The following UBTD2 variants were observed in gnomAD, a reference collection of about 807,000 sequenced individuals.
UBTD2 encodes the protein ubiquitin domain containing 2.
A neutral mutation model predicts 19.8 loss-of-function variants in UBTD2; 9 were observed. That is an observed-to-expected ratio of 0.46 (90% confidence interval 0.27 to 0.79). The LOEUF (loss-of-function observed/expected upper bound fraction) is 0.79. UBTD2 is among the 30% of genes least tolerant of loss of function. The pLI, the probability that UBTD2 is intolerant of heterozygous loss-of-function variation, is 0.14. For synonymous variants in UBTD2, 98 were observed against 103.9 expected, an observed-to-expected ratio of 0.94 and a Z score of 0.35; for missense variants, 250 against 300.4, an observed-to-expected ratio of 0.83 and a Z score of 1.24.
At chr5:172,226,461 A>T (rs1196501899) in intron 2 of UBTD2, among the ~76,000 whole-genome samples, 1 of 152,164 alleles carries the variant, frequency 6.6e-6, no homozygotes, top group Non-Finnish European at 1.5e-5. Flanking sequence ...CACGTGAAAA[A>T]TTGCCTAGTA....
At chr5:172,272,257 C>T (rs1054134179) in intron 1 of UBTD2, among the ~76,000 whole-genome samples, 2 of 152,174 alleles carry the variant, frequency 1.3e-5, no homozygotes, top group African/African-American at 4.8e-5. Flanking sequence ...GTAGCTGATG[C>T]AAGACAAATA....
chr5:172,243,888 G>A (rs771099829), intron 1 of UBTD2, among the ~76,000 whole-genome samples: 1 of 151,734 alleles, frequency 6.6e-6, no homozygotes, highest in Admixed American at 6.6e-5. Context: ...TACAGGATAC[G>A]ACCACAGAGT....
intron 2 of UBTD2, among the ~76,000 whole-genome samples, chr5:172,213,196 G>A (rs1455839762): frequency 6.6e-6 from 1 of 152,010 alleles, no homozygotes; most frequent in Non-Finnish European, 1.5e-5. Flanking sequence ...TCACCATGTT[G>A]GCCAGGCTGG....
chr5:172,253,600 C>T (rs540381720), intron 1 of UBTD2, among the ~76,000 whole-genome samples: 18 of 151,968 alleles, frequency 1.2e-4, no homozygotes, highest in African/African-American at 3.6e-4. Context: ...ATTACAGGCA[C>T]GCGCCACCAC....
chr5:172,276,927 G>A (rs994914303), intron 1 of UBTD2, among the ~76,000 whole-genome samples: 3 of 151,542 alleles, frequency 2.0e-5, no homozygotes, highest in South Asian at 2.1e-4. Flanking sequence ...AAAATTAGCC[G>A]GTGTGGAGGT....
intron 1 of UBTD2, among the ~76,000 whole-genome samples, chr5:172,251,594 C>T (rs1755021279): frequency 6.6e-6 from 1 of 150,564 alleles, no homozygotes; most frequent in East Asian, 1.9e-4. Context: ...AACCTTCACA[C>T]CCAGAGACAG....
chr5:172,279,888 A>G (rs970455787), intron 1 of UBTD2, among the ~76,000 whole-genome samples: 2 of 152,192 alleles, frequency 1.3e-5, no homozygotes, highest in African/African-American at 4.8e-5. Flanking sequence ...GCTCACGTGA[A>G]GTCAGGAGTT....
At chr5:172,240,292 A>T (rs1169273501) in intron 1 of UBTD2, among the ~76,000 whole-genome samples, 1 of 152,228 alleles carries the variant, frequency 6.6e-6, no homozygotes, top group Admixed American at 6.5e-5. Context: ...CATCTACAAC[A>T]AATTAGAGAC....
intron 1 of UBTD2, among the ~76,000 whole-genome samples, chr5:172,257,835 G>A (rs1307289130): frequency 6.6e-6 from 1 of 152,128 alleles, no homozygotes; most frequent in Non-Finnish European, 1.5e-5. Context: ...GTCTGTTCAT[G>A]TCCTTTGCCC....
At chr5:172,278,764 C>T (rs903547855) in intron 1 of UBTD2, among the ~76,000 whole-genome samples, 15 of 151,920 alleles carry the variant, frequency 9.9e-5, no homozygotes, top group African/African-American at 3.4e-4. Context: ...ATATGTTTTG[C>T]CACAATTTTA....
chr5:172,242,453 GAC>G (rs1772151530), intron 1 of UBTD2: 2 of 985,026 alleles, frequency 2.0e-6, no homozygotes, highest in African/African-American at 3.5e-5. Context: ...CTCAGCTGGG[GAC>G]AGTTTTGCCC....
chr5:172,248,840 G>A (rs867457417), intron 1 of UBTD2, among the ~76,000 whole-genome samples: 7 of 151,580 alleles, frequency 4.6e-5, no homozygotes, highest in Non-Finnish European at 7.4e-5. Context: ...TCAGATGGCC[G>A]AGGCTGGAAG....
At chr5:172,271,832 C>T (rs1334325882) in intron 1 of UBTD2, among the ~76,000 whole-genome samples, 1 of 152,056 alleles carries the variant, frequency 6.6e-6, no homozygotes, top group Non-Finnish European at 1.5e-5. Context: ...ATGATCTGAA[C>T]CAATGCAAAG....
chr5:172,209,969 CTT>C lies in UBTD2; in HGVS notation c.*1859_*1860del, dbSNP rs1047096569. 3.9e-5 allele frequency: 6 copies of C among 152,322 alleles called. No homozygotes were observed. Among genetic ancestry groups the C allele is most frequent in the African/African-American group, 1.2e-4 (5 of 41,558 alleles). 9.4% of individuals were successfully genotyped at this position (152,322 alleles called of 1,614,324 possible). On this transcript the variant is annotated 3_prime_UTR_variant, in exon 3 of 3. Coordinates refer to ENST00000393792, the MANE Select transcript of UBTD2 (RefSeq NM_152277.3). ...TAAACACTTTTTTCCAGTTGACAAACTTTGAGAAGTGCTGCTATTCGATGTGG... is the reference window on the plus strand; with the variant it reads ...TAAACACTTTTTTCCAGTTGACAAACTGAGAAGTGCTGCTATTCGATGTGG...
chr5:172,245,049 G>C (rs1050427115), intron 1 of UBTD2, among the ~76,000 whole-genome samples: 4 of 152,146 alleles, frequency 2.6e-5, no homozygotes, highest in Non-Finnish European at 5.9e-5. Context: ...TCTTTTAAAA[G>C]TTCCTAGCAA....
Position 172,242,382 on chromosome 5 carries a change from G to GT in UBTD2, c.71-8025dup, listed in dbSNP as rs1331792009. The GT allele has an allele frequency of 1.6e-5, 16 of 985,246 alleles. No homozygotes were observed. The South Asian group carries it at 5.2e-4, about 32-fold the overall frequency. The allele number at this position is 985,246 out of a possible 1,614,324, so 61.0% of individuals were successfully genotyped here. A position where few individuals can be genotyped will look rare whatever the true frequency, so the allele number is the denominator to read the frequency against. On this transcript the variant is annotated intron_variant, in intron 1 of 2. Transcript: ENST00000393792. ...TAGATTTATCCAACTTTCCCAAAAT[G>GT]TTTTTCATACCAAGTTCCAATCAAG...
intron 1 of UBTD2, among the ~76,000 whole-genome samples, chr5:172,239,710 C>T (rs1346398967): frequency 3.9e-5 from 6 of 152,158 alleles, no homozygotes; most frequent in Middle Eastern, 3.4e-3. Flanking sequence ...CATGAGCCAC[C>T]GTGCCCAGCC....
intron 2 of UBTD2, among the ~76,000 whole-genome samples, chr5:172,224,954 T>C (rs1481454622): frequency 2.0e-5 from 3 of 152,202 alleles, no homozygotes; most frequent in Non-Finnish European, 4.4e-5. Context: ...TTACAAAAAA[T>C]TTTACAAAAC....
At chr5:172,232,725 CA>C (rs1407270538) in intron 2 of UBTD2, among the ~76,000 whole-genome samples, 1 of 150,496 alleles carries the variant, frequency 6.6e-6, no homozygotes, top group Non-Finnish European at 1.5e-5. Flanking sequence ...AACAAAAAAA[CA>C]AAAAAAAAGT....
Sources: gnomAD v4.1 joint callset for allele counts (sites outside exome capture counted in the v4.1 genomes callset) on GRCh38, gnomAD v4.1.1 for gene constraint, MANE v1.5 for transcripts, NCBI Gene and HGNC (gene_info 2026-07-23, HGNC 2026-07-21) for gene names.